ASH1L: variants seen among roughly 807,000 people sequenced by gnomAD.
ASH1L encodes ASH1 like histone lysine methyltransferase.
A neutral mutation model predicts 269.0 loss-of-function variants in ASH1L; 23 were observed. That is an observed-to-expected ratio of 0.09 (90% CI 0.06 to 0.12). The LOEUF is 0.12. Ranked by LOEUF, ASH1L falls within the 10% of genes least tolerant of loss-of-function variation. ASH1L has a pLI of 1.00. For missense variants in ASH1L, 2,912 were observed against 3,567.8 expected (o/e 0.82, Z 4.68); for synonymous variants, 1,187 against 1,253.5 (o/e 0.95, Z 1.12).
chr1:155,507,875 G>C (rs1174024530), intron 2 of ASH1L, among the ~76,000 whole-genome samples: 3 of 152,126 alleles, frequency 2.0e-5, no homozygotes, highest in Non-Finnish European at 4.4e-5. Flanking sequence ...TTTAGAAGAA[G>C]ACCGTGTCTC....
chr1:155,551,492 C>T lies in ASH1L; in HGVS notation c.-100+10661G>A, dbSNP rs1051155320. On this transcript the variant is annotated intron_variant, in intron 1 of 27. Transcript: ENST00000392403. ...CGGCTAAAACGGTGAAACCCCGTCT[C>T]TACTAAAAATACAAAAAATTAGCCG... 8.6e-5 allele frequency among the ~76,000 whole-genome samples: 13 copies of T among 150,672 alleles called. 1 individual carries two copies. Among genetic ancestry groups the T allele is most frequent in the Admixed American group, 6.6e-5 (1 of 15,058 alleles).
At position 155,347,868 on chromosome 1, in the gene ASH1L, C is replaced by G. The variant is rs146657498; in HGVS notation, c.7591G>C (p.Val2531Leu). The G allele has an allele frequency of 6.2e-7, 1 of 1,614,110 alleles. No individual in the cohort carries two copies. Among genetic ancestry groups the G allele is most frequent in the African/African-American group, 1.3e-5 (1 of 74,936 alleles). Residue 2531 changes from valine (V) to leucine (L), a missense_variant, in exon 20 of 28, where the codon GTT becomes CTT. Physicochemically the swap from Val to Leu is conservative, Grantham distance 32 (BLOSUM62 1). This residue lies in a region of ASH1L where 309 missense variants were observed against 435.1 expected (regional missense o/e 0.71). Coordinates refer to ENST00000392403, the MANE Select transcript of ASH1L (RefSeq NM_018489.3). ...TAATAGGCCTTTCGTAGACGACAAA[C>G]ATCTCTCCCAACTGGGGATTTACGC... is the stretch of plus-strand genomic sequence containing the variant. ...YGRKSPVGRD[V>L]CRLRKAYYNA...
rs558821615 is a variant in ASH1L at position 155,382,762 on chromosome 1, G to A, written c.6104-2646C>T. ...TTTTTTCAAGACAGTGTCTCGCTCT[G>A]TCACCCAGCCTGGAGTACAATAGCA... On this transcript the variant is annotated intron_variant, in intron 7 of 27. Coordinates refer to ENST00000392403, the MANE Select transcript of ASH1L (RefSeq NM_018489.3). Among the ~76,000 whole-genome samples, 6 of 151,274 alleles carry A rather than the reference G, an allele frequency of 4.0e-5. No homozygotes were observed. The East Asian group carries it at 9.7e-4, about 25-fold the overall frequency.
chr1:155,379,809 A>G (rs578003492), intron 8 of ASH1L, among the ~76,000 whole-genome samples: 1 of 152,316 alleles, frequency 6.6e-6, no homozygotes, highest in East Asian at 1.9e-4. Flanking sequence ...GAATAACAAC[A>G]GAAGGTTGCC....
rs1213738751 is a variant in ASH1L at position 155,347,740 on chromosome 1, C to T, written c.7719G>A (p.Gly2573=). ...GAATAACATCGTCGTCCTTCTCATG[C>T]CCATTCTCCTTTTCAGAGACTGAGG... ...SETSVSEKEN[G]HEKDDDVIRC... The change falls in exon 20 of 28, where the codon GGG becomes GGA. Residue 2573 remains glycine (G), a synonymous_variant. Coordinates refer to ENST00000392403, the MANE Select transcript of ASH1L (RefSeq NM_018489.3). 6.2e-7 allele frequency: 1 copy of T among 1,614,210 alleles called. No individual in the cohort carries two copies. The highest frequency in any genetic ancestry group is 1.7e-5 in the Admixed American group (1 of 60,024).
intron 2 of ASH1L, among the ~76,000 whole-genome samples, chr1:155,499,689 T>C (rs1016592208): frequency 4.6e-5 from 7 of 152,190 alleles, no homozygotes; most frequent in African/African-American, 1.7e-4. Flanking sequence ...TGTGAGGATC[T>C]CTGGAGTGAT....
At chr1:155,551,730 G>A (rs1348503100) in intron 1 of ASH1L, among the ~76,000 whole-genome samples, 1 of 151,020 alleles carries the variant, frequency 6.6e-6, no homozygotes, top group East Asian at 2.0e-4. Context: ...AGCACTTTGG[G>A]AGGCTAAGAC....
At chr1:155,560,020 G>C (rs1293376034) in intron 1 of ASH1L, among the ~76,000 whole-genome samples, 2 of 152,108 alleles carry the variant, frequency 1.3e-5, no homozygotes, top group African/African-American at 2.4e-5. Flanking sequence ...GCAGAAATAA[G>C]TTTGCAGATG....
At chr1:155,490,625 CACACACACACACACACACAT>C (rs1248284367) in intron 2 of ASH1L, among the ~76,000 whole-genome samples, 3 of 149,904 alleles carry the variant, frequency 2.0e-5, no homozygotes, top group Non-Finnish European at 3.0e-5. Flanking sequence ...CACACACACA[CACACACACACACACACACAT>C]ACACACACAC....
chr1:155,547,865 C>T (rs1670937582), intron 1 of ASH1L, among the ~76,000 whole-genome samples: 1 of 152,080 alleles, frequency 6.6e-6, no homozygotes, highest in Admixed American at 6.6e-5. Flanking sequence ...CCCAGCTACC[C>T]ACCAGAAGGC....
chr1:155,445,369 G>A (rs966638695), intron 4 of ASH1L, among the ~76,000 whole-genome samples: 1 of 152,100 alleles, frequency 6.6e-6, no homozygotes, highest in African/African-American at 2.4e-5. Context: ...ATTTTTAGTA[G>A]AGATGGGGTT....
intron 1 of ASH1L, among the ~76,000 whole-genome samples, chr1:155,543,234 G>C (rs754982858): frequency 6.6e-6 from 1 of 151,942 alleles, no homozygotes; most frequent in Admixed American, 6.6e-5. Context: ...CAGTCAGCCG[G>C]GCGTGGTGGC....
At chr1:155,432,060 T>A (rs754466373) in intron 5 of ASH1L, among the ~76,000 whole-genome samples, 1 of 152,196 alleles carries the variant, frequency 6.6e-6, no homozygotes, top group Non-Finnish European at 1.5e-5. Flanking sequence ...TGGTTTTATA[T>A]TAATCAACAA....
intron 17 of ASH1L, among the ~76,000 whole-genome samples, chr1:155,350,307 C>A (rs926311842): frequency 1.3e-5 from 2 of 152,196 alleles, no homozygotes; most frequent in African/African-American, 4.8e-5. Context: ...CAGGCATGAG[C>A]CACTGCGCCT....
chr1:155,526,075 G>A (rs141433867), intron 1 of ASH1L, among the ~76,000 whole-genome samples: 4 of 151,730 alleles, frequency 2.6e-5, no homozygotes, highest in Admixed American at 2.6e-4. Flanking sequence ...CCACAGGTGC[G>A]GAATCACAGA....
chr1:155,527,649 G>A (rs574257829), intron 1 of ASH1L, among the ~76,000 whole-genome samples: 2 of 148,290 alleles, frequency 1.3e-5, no homozygotes, highest in Non-Finnish European at 3.0e-5. Flanking sequence ...TGATTCTCCT[G>A]CCTCAGACCC....
At chr1:155,374,496 C>T (rs983456303) in intron 10 of ASH1L, among the ~76,000 whole-genome samples, 4 of 152,192 alleles carry the variant, frequency 2.6e-5, no homozygotes, top group East Asian at 1.9e-4. Flanking sequence ...AAAGTATCGA[C>T]TGGATTATTC....
intron 6 of ASH1L, among the ~76,000 whole-genome samples, chr1:155,414,814 C>T (rs1660074933): frequency 6.6e-6 from 1 of 152,136 alleles, no homozygotes; most frequent in African/African-American, 2.4e-5. Context: ...TACTACCACA[C>T]CTCTAAATCC....
chr1:155,419,930 C>A (rs1368106256), intron 5 of ASH1L, among the ~76,000 whole-genome samples: 1 of 152,128 alleles, frequency 6.6e-6, no homozygotes, highest in Non-Finnish European at 1.5e-5. Context: ...GTGAAATACA[C>A]AACAATGTTG....
Sources: allele counts gnomAD v4.1 joint callset (sites outside exome capture counted in the v4.1 genomes callset), GRCh38; gene constraint gnomAD v4.1.1; regional missense constraint gnomAD v4.1.1; transcripts MANE v1.5; gene names NCBI Gene and HGNC (gene_info 2026-07-23, HGNC 2026-07-21).